Variants in C10orf143 observed in about 807,000 individuals in gnomAD.
C10orf143 encodes the protein uncharacterized protein C10orf143.
chr10:130,088,541 C>T (rs77667458), intron 1 of C10orf143, among the ~76,000 whole-genome samples: 7,632 of 152,036 alleles, frequency 0.05, 645 homozygotes, highest in African/African-American at 0.18. Flanking sequence ...GCCCTTATGC[C>T]GAAGATCATT....
intron 1 of C10orf143, among the ~76,000 whole-genome samples, chr10:130,086,904 TCAGC>T (rs971162913): frequency 6.6e-6 from 1 of 152,202 alleles, no homozygotes; most frequent in African/African-American, 2.4e-5. Flanking sequence ...CACATTAAGG[TCAGC>T]AGACTTGTGA....
At chr10:130,048,995 G>A (rs1442699005) in intron 3 of C10orf143, among the ~76,000 whole-genome samples, 1 of 152,064 alleles carries the variant, frequency 6.6e-6, no homozygotes, top group Admixed American at 6.6e-5. Context: ...GTGAGCCACC[G>A]TGCCCAGCTC....
At chr10:130,076,939 A>AT in intron 3 of C10orf143, among the ~76,000 whole-genome samples, 1 of 152,032 alleles carries the variant, frequency 6.6e-6, no homozygotes, top group Non-Finnish European at 1.5e-5. Flanking sequence ...AAGCAGCCCG[A>AT]CCCTGGGCAG....
intron 1 of C10orf143, among the ~76,000 whole-genome samples, chr10:130,100,153 T>C (rs1268276708): frequency 6.6e-6 from 1 of 151,928 alleles, no homozygotes; most frequent in Non-Finnish European, 1.5e-5. Flanking sequence ...TCTTTTAAAC[T>C]CTGACCCAAA....
intron 3 of C10orf143, among the ~76,000 whole-genome samples, 168 bp downstream of exon 3, chr10:130,079,398 G>A (rs1216931785): frequency 6.6e-6 from 1 of 152,160 alleles, no homozygotes; most frequent in Admixed American, 6.6e-5. Context: ...AAATTAGTTT[G>A]TACACCGATA....
intron 1 of C10orf143, among the ~76,000 whole-genome samples, chr10:130,081,149 G>C (rs1861201675): frequency 6.6e-6 from 1 of 152,004 alleles, no homozygotes; most frequent in Non-Finnish European, 1.5e-5. Flanking sequence ...ATGGACCAAG[G>C]TATAATAGAG....
intron 1 of C10orf143, among the ~76,000 whole-genome samples, chr10:130,094,509 A>T (rs1485438873): frequency 6.6e-6 from 1 of 152,238 alleles, no homozygotes; most frequent in Non-Finnish European, 1.5e-5. Context: ...CCAGCAGCAC[A>T]TCAAAAAGCT....
intron 1 of C10orf143, among the ~76,000 whole-genome samples, chr10:130,086,348 G>A (rs1017720678): frequency 2.6e-5 from 4 of 152,088 alleles, no homozygotes; most frequent in East Asian, 1.9e-4. Flanking sequence ...GCTCTCCTAT[G>A]TACACTAGTT....
chr10:130,103,667 G>A (rs1463753536), intron 1 of C10orf143, among the ~76,000 whole-genome samples: 1 of 151,636 alleles, frequency 6.6e-6, no homozygotes, highest in Non-Finnish European at 1.5e-5. Context: ...AAAATTAGCT[G>A]GGCGTGGTGA....
intron 3 of C10orf143, among the ~76,000 whole-genome samples, chr10:130,047,349 A>G (rs1860687450): frequency 6.6e-6 from 1 of 152,212 alleles, no homozygotes; most frequent in African/African-American, 2.4e-5. Context: ...AGGGAAATAA[A>G]GGCAGTCTGC....
At chr10:130,087,680 A>T (rs1182725706) in intron 1 of C10orf143, among the ~76,000 whole-genome samples, 2 of 152,192 alleles carry the variant, frequency 1.3e-5, no homozygotes, top group African/African-American at 4.8e-5. Flanking sequence ...AGGGGGTTGA[A>T]GACCTAACAG....
intron 1 of C10orf143, among the ~76,000 whole-genome samples, chr10:130,080,903 A>G (rs1590022279): frequency 6.6e-6 from 1 of 152,364 alleles, no homozygotes; most frequent in Admixed American, 6.5e-5. Context: ...TCATTACTGT[A>G]TAGTTCATTA....
At chr10:130,038,451 G>A (rs61875994) in intron 3 of C10orf143, among the ~76,000 whole-genome samples, 20,655 of 152,176 alleles carry the variant, frequency 0.14, 1,862 homozygotes, top group Admixed American at 0.2. Context: ...GGGCCCCTGG[G>A]ATGAGGGTGG....
intron 3 of C10orf143, among the ~76,000 whole-genome samples, chr10:130,070,697 A>C (rs1861016148): frequency 6.6e-6 from 1 of 152,182 alleles, no homozygotes; most frequent in Non-Finnish European, 1.5e-5. Flanking sequence ...TTTAGTAGAT[A>C]TATATCAATG....
intron 3 of C10orf143, among the ~76,000 whole-genome samples, chr10:130,043,395 A>G (rs10741208): frequency 0.56 from 85,523 of 152,108 alleles, 24,124 homozygotes; most frequent in East Asian, 0.69. Flanking sequence ...AATATCAGCC[A>G]TAACCCACTG....
At chr10:130,043,964 C>T (rs964220514) in intron 3 of C10orf143, among the ~76,000 whole-genome samples, 11 of 151,730 alleles carry the variant, frequency 7.2e-5, no homozygotes, top group Admixed American at 3.3e-4. Flanking sequence ...GGCACCTGGA[C>T]AGTGCCCAGG....
In C10orf143 at chr10:130,102,842, CTT is replaced by C. The variant is rs557908490; in HGVS notation, c.69+7860_69+7861del. Reference sequence around the variant, plus strand: ...GTAATATTCTTTACCCTGAAATTGACTTTGTCTTTTATTAATATAGCAACTCC... The same window carrying C: ...GTAATATTCTTTACCCTGAAATTGACTGTCTTTTATTAATATAGCAACTCC... On this transcript the variant is annotated intron_variant, in intron 1 of 3. Transcript: ENST00000637128. Among the ~76,000 whole-genome samples the C allele has an allele frequency of 3.3e-3, 496 of 152,180 alleles. 6 individuals carry two copies. Among genetic ancestry groups the C allele is most frequent in the African/African-American group, 0.011 (470 of 41,520 alleles).
intron 1 of C10orf143, chr10:130,107,819 T>C (rs1453824204): frequency 8.0e-7 from 1 of 1,247,622 alleles, no homozygotes; most frequent in African/African-American, 1.5e-5. Context: ...TGACACTGGG[T>C]CCCTGTCACT....
At chr10:130,062,701 A>C (rs1485528662), downstream of C10orf143, among the ~76,000 whole-genome samples, 1 of 152,140 alleles carries the variant, frequency 6.6e-6, no homozygotes, top group Non-Finnish European at 1.5e-5. Context: ...GTGGGACCTC[A>C]CCTTGTGATC....
Sources: allele counts gnomAD v4.1 joint callset (sites outside exome capture counted in the v4.1 genomes callset), GRCh38; gene constraint gnomAD v4.1.1; transcripts MANE v1.5; gene names NCBI Gene and HGNC (gene_info 2026-07-23, HGNC 2026-07-21).